The following UBAP2L variants were observed in gnomAD, a reference collection of about 807,000 sequenced individuals.
UBAP2L encodes ubiquitin-associated protein 2-like.
Under a neutral mutation model 130.6 loss-of-function variants are expected in UBAP2L, and 12 were observed. The ratio of observed to expected loss-of-function variants is 0.09; its 90% confidence interval spans 0.06 to 0.15. The LOEUF is 0.15. Ranked by LOEUF, UBAP2L falls within the 10% of genes least tolerant of loss-of-function variation. The pLI is 1.00. For missense variants in UBAP2L, 965 were observed against 1,332.5 expected (o/e 0.72, Z 4.29); for synonymous variants, 503 against 524.7 (o/e 0.96, Z 0.57).
At chr1:154,246,447 A>G (rs1675507074) in intron 11 of UBAP2L, 72 bp downstream of exon 11, 11 of 1,501,044 alleles carry the variant, frequency 7.3e-6, no homozygotes, top group Admixed American at 2.0e-5. Flanking sequence ...AGTTCCTTCC[A>G]AAGACAGTCA....
chr1:154,269,157 T>C (rs1392113637), intron 26 of UBAP2L: 2 of 865,342 alleles, frequency 2.3e-6, no homozygotes, highest in Non-Finnish European at 3.5e-6. Flanking sequence ...AAGGGCCGGG[T>C]TGAAACCTTT....
chr1:154,234,973 A>G (rs1379490153), intron 5 of UBAP2L, among the ~76,000 whole-genome samples: 7 of 152,162 alleles, frequency 4.6e-5, no homozygotes, highest in African/African-American at 1.7e-4. Flanking sequence ...AGTCATTTAT[A>G]AAGTTAAATT....
In UBAP2L at chr1:154,227,273, A is replaced by G. The variant is rs1357576161; in HGVS notation, c.91-9A>G. On this transcript the variant is annotated splice_polypyrimidine_tract_variant and intron_variant, in intron 2 of 26. Transcript: ENST00000428931. ...GATTATGCTTTCTTGATCTCATCTC[A>G]ATTCCTAGGCCACTGCAGAACAAAT... The G allele has an allele frequency of 2.5e-6, 4 of 1,612,692 alleles. No individual in the cohort carries two copies. The highest frequency in any genetic ancestry group is 3.3e-5 in the Admixed American group (2 of 59,976).
At chr1:154,220,591 A>T (rs1665553263), upstream of UBAP2L, 1 of 627,516 alleles carries the variant, frequency 1.6e-6, no homozygotes. Context: ...GGGAAAGGAG[A>T]ACGACGCCTT....
upstream of UBAP2L, chr1:154,220,703 G>C (rs1040574827): frequency 6.3e-5 from 28 of 444,864 alleles, no homozygotes; most frequent in Middle Eastern, 6.3e-4. Flanking sequence ...GCGGCCATCC[G>C]TGCGTCACGT....
intron 9 of UBAP2L, 135 bp downstream of exon 9, chr1:154,241,700 T>A: frequency 6.8e-7 from 1 of 1,471,494 alleles, no homozygotes; most frequent in Non-Finnish European, 9.0e-7. Flanking sequence ...TCCAAAATAG[T>A]GTTCTGAGCC....
chr1:154,220,236 T>G (rs750347960), upstream of UBAP2L: 26 of 1,362,758 alleles, frequency 1.9e-5, no homozygotes, highest in Non-Finnish European at 2.6e-5. Flanking sequence ...AAAGCCCGGA[T>G]AGGCGCAGGT....
chr1:154,240,139 A>T (rs1673038831), intron 8 of UBAP2L, among the ~76,000 whole-genome samples: 1 of 152,070 alleles, frequency 6.6e-6, no homozygotes, highest in Non-Finnish European at 1.5e-5. Context: ...GCTTTTTTCC[A>T]GTAGGAGGGA....
At chr1:154,220,439 T>C (rs1665505331), upstream of UBAP2L, 1 of 1,613,394 alleles carries the variant, frequency 6.2e-7, no homozygotes, top group South Asian at 1.1e-5. Context: ...ATTGTTCGGG[T>C]TTACCCCGCT....
rs1388527224 is a variant in UBAP2L, at chr1:154,222,282, G to A, written c.-41+1307G>A. Among the ~76,000 whole-genome samples the A allele has an allele frequency of 3.3e-5, 5 of 152,084 alleles. No homozygotes were observed. The East Asian group carries it at 9.6e-4, about 29-fold the overall frequency. On this transcript the variant is annotated intron_variant, in intron 1 of 26. Transcript: ENST00000428931. ...CGTTTCTAGAGAATTAAAACATTTT[G>A]GCTGTGTATCAGTTGATAAAACTGC... is the stretch of plus-strand genomic sequence containing the variant.
intron 24 of UBAP2L, among the ~76,000 whole-genome samples, chr1:154,262,006 T>C (rs1681709923): frequency 6.6e-6 from 1 of 152,202 alleles, no homozygotes; most frequent in Non-Finnish European, 1.5e-5. Context: ...TGCTGAAATG[T>C]CAGTGGAGGC....
intron 1 of UBAP2L, among the ~76,000 whole-genome samples, chr1:154,223,213 A>G (rs1666867060): frequency 6.6e-6 from 1 of 152,214 alleles, no homozygotes; most frequent in Admixed American, 6.5e-5. Flanking sequence ...TTCTTGGTTA[A>G]TTATATCTTT....
chr1:154,241,758 C>G, intron 9 of UBAP2L, 193 bp downstream of exon 9: 1 of 985,416 alleles, frequency 1.0e-6, no homozygotes, highest in Non-Finnish European at 1.2e-6. Context: ...ATGAACAGGA[C>G]TCTGTGGAAC....
chr1:154,224,014 T>C (rs1038563444), intron 1 of UBAP2L, among the ~76,000 whole-genome samples: 1 of 152,236 alleles, frequency 6.6e-6, no homozygotes, highest in Admixed American at 6.5e-5. Flanking sequence ...ATCATATGAT[T>C]AATGTTTTCT....
chr1:154,220,585 AAGG>A, upstream of UBAP2L: 1 of 641,524 alleles, frequency 1.6e-6, no homozygotes, highest in East Asian at 2.7e-5. Flanking sequence ...AGAGCTGGGA[AAGG>A]AGAACGACGC....
Position 154,234,771 on chromosome 1 carries a change from G to A in UBAP2L, c.448+12G>A. On this transcript the variant is annotated intron_variant, in intron 5 of 26. Transcript: ENST00000428931. ...CCGTGGACGAGAGTGTATGCATGGG[G>A]CTTTATCAAAACCAGCTGTGGGTCA... 6.4e-7 allele frequency: 1 copy of A among 1,574,102 alleles called. No homozygotes were observed. Among genetic ancestry groups the A allele is most frequent in the East Asian group, 2.3e-5 (1 of 43,072 alleles).
chr1:154,267,880 CTTTTT>C (rs869153080), intron 25 of UBAP2L, among the ~76,000 whole-genome samples: 13 of 52,086 alleles, frequency 2.5e-4, no homozygotes, highest in African/African-American at 6.6e-4. Context: ...CTTATTTGGT[CTTTTT>C]TTTTTTTTTT....
intron 18 of UBAP2L, 37 bp downstream of exon 18, chr1:154,255,792 A>G: frequency 6.2e-7 from 1 of 1,605,340 alleles, no homozygotes; most frequent in South Asian, 1.1e-5. Flanking sequence ...TGGTTTTCTT[A>G]CACTTAGAAC....
intron 25 of UBAP2L, among the ~76,000 whole-genome samples, 166 bp from the exon 26 acceptor site, chr1:154,268,587 TTAAA>T (rs941640741): frequency 1.3e-5 from 2 of 152,188 alleles, no homozygotes; most frequent in African/African-American, 4.8e-5. Context: ...CACACAGTTC[TTAAA>T]TAAGAGCAGA....
Sources: gnomAD v4.1 joint callset for allele counts (sites outside exome capture counted in the v4.1 genomes callset) on GRCh38, gnomAD v4.1.1 for gene constraint, MANE v1.5 for transcripts, NCBI Gene and HGNC (gene_info 2026-07-23, HGNC 2026-07-21) for gene names.